Variants in SIDT2 observed in about 807,000 individuals in gnomAD.
SIDT2 encodes SID1 transmembrane family member 2, also known as SID1 transmembrane family, member 2.
A neutral mutation model predicts 114.4 loss-of-function variants in SIDT2; 68 were observed. That is an observed-to-expected ratio of 0.59 (90% CI 0.49 to 0.73). The LOEUF (loss-of-function observed/expected upper bound fraction) is 0.73, where lower values mean the gene tolerates loss of function less well. Among genes scored for constraint, SIDT2 ranks in the 30% least tolerant of loss-of-function variants. The pLI is 0.00. For synonymous variants in SIDT2, 470 were observed against 438.4 expected, an observed-to-expected ratio of 1.07 and a Z score of -0.90; for missense variants, 918 against 1,097.1, an observed-to-expected ratio of 0.84 and a Z score of 2.31.
In SIDT2 at chr11:117,181,456, A is replaced by C; in HGVS notation, c.224A>C (p.Gln75Pro). ...GTGTCTGTGAACGTCCTGAACAAGC[A>C]GAAGGGGGCGCCGTTGCTGTTTGTG... Reference protein sequence around the residue: ...VRVSVNVLNKQKGAPLLFVVR... With the variant: ...VRVSVNVLNKPKGAPLLFVVR... The change falls in exon 2 of 26, where the codon CAG becomes CCG. Residue 75 changes from glutamine (Q) to proline (P), a missense_variant. Physicochemically the swap from Gln to Pro is moderately conservative, Grantham distance 76 (BLOSUM62 -1). Transcript: ENST00000324225. 6.2e-7 allele frequency: 1 copy of C among 1,613,748 alleles called. No homozygotes were observed. Among genetic ancestry groups the C allele is most frequent in the Non-Finnish European group, 8.5e-7 (1 of 1,179,938 alleles).
intron 6 of SIDT2, among the ~76,000 whole-genome samples, chr11:117,183,570 G>A (rs1361432247): frequency 1.3e-5 from 2 of 150,130 alleles, no homozygotes; most frequent in African/African-American, 4.9e-5. Context: ...CCCGGGAGGC[G>A]GAGGTTGCAG....
intron 12 of SIDT2, 94 bp downstream of exon 12, chr11:117,187,793 T>C (rs1220490686): frequency 1.6e-6 from 2 of 1,230,356 alleles, no homozygotes; most frequent in African/African-American, 3.0e-5. Context: ...TGCCAGATGC[T>C]GGAACCTGGG....
At chr11:117,183,714 C>A in intron 6 of SIDT2, 65 bp from the exon 7 acceptor site, 1 of 1,134,418 alleles carries the variant, frequency 8.8e-7, no homozygotes, top group Non-Finnish European at 1.3e-6. Flanking sequence ...GGCCCCAGAA[C>A]AAGTATTTAG....
chr11:117,184,724 G>A (rs2030426999), intron 8 of SIDT2, among the ~76,000 whole-genome samples: 3 of 152,014 alleles, frequency 2.0e-5, no homozygotes, highest in South Asian at 4.1e-4. Context: ...GGGAAAGAAG[G>A]TGCCTCTCTT....
In SIDT2 at chr11:117,192,835, C is replaced by A. The variant is rs572716081; in HGVS notation, c.2074C>A (p.Leu692Met). The change falls in exon 22 of 26, where the codon CTG becomes ATG. Residue 692 changes from leucine (L) to methionine (M), a missense_variant. Around this residue, in one of 4 missense-constraint regions of SIDT2, gnomAD observed 275 missense variants for 397.6 expected, o/e 0.69. Coordinates refer to ENST00000324225, the MANE Select transcript of SIDT2 (RefSeq NM_001040455.2). The surrounding 1 kb of genome is among the most constrained non-coding windows in gnomAD (Gnocchi z 5.9). ...GPLYVDRMVL[L>M]VMGNVINWSL... ...TTCCCTCCAGGACCGCATGGTGCTG[C>A]TGGTCATGGGCAACGTCATCAACTG... 1.2e-6 allele frequency: 2 copies of A among 1,614,156 alleles called. No individual in the cohort carries two copies. Among genetic ancestry groups the A allele is most frequent in the African/African-American group, 2.7e-5 (2 of 75,040 alleles).
rs1037145847 is a variant in SIDT2, at chr11:117,178,853, T to A, written c.-411T>A. 1.5e-5 allele frequency: 3 copies of A among 196,994 alleles called. No individual in the cohort carries two copies. Among genetic ancestry groups the A allele is most frequent in the Non-Finnish European group, 3.2e-5 (3 of 95,056 alleles). The allele number at this position is 196,994 out of a possible 1,614,324, so 12.2% of individuals were successfully genotyped here. A position where few individuals can be genotyped will look rare whatever the true frequency, so the allele number is the denominator to read the frequency against. ...AGCTACCACCTATCACGCCCCTCAC[T>A]CTGCGACTCGCCTTCCTCCGCGGCC... On this transcript the variant is annotated 5_prime_UTR_variant, in exon 1 of 26. Coordinates refer to ENST00000324225, the MANE Select transcript of SIDT2 (RefSeq NM_001040455.2).
chr11:117,186,611 C>T lies in SIDT2; in HGVS notation c.990C>T (p.Ala330=), dbSNP rs569978978. 3.8e-6 allele frequency: 6 copies of T among 1,571,130 alleles called. No individual in the cohort carries two copies. Among genetic ancestry groups the T allele is most frequent in the Admixed American group, 1.9e-5 (1 of 51,840 alleles). Residue 330 remains alanine, a synonymous_variant, in exon 10 of 26, where the codon GCC becomes GCT. Coordinates refer to ENST00000324225, the MANE Select transcript of SIDT2 (RefSeq NM_001040455.2). ...WRQKKKTLLV[A]IDRACPESGH... ...AGAAGAAGAAGACCCTGCTGGTGGCCATTGACCGAGCCTGCCCAGAAAGCG... is the reference window on the plus strand; with the variant it reads ...AGAAGAAGAAGACCCTGCTGGTGGCTATTGACCGAGCCTGCCCAGAAAGCG...
rs1405105194 is a variant in SIDT2 at position 117,195,601 on chromosome 11, T to C, written c.2323-201T>C. Among the ~76,000 whole-genome samples the C allele has an allele frequency of 8.5e-5, 13 of 152,122 alleles. No individual in the cohort carries two copies. In the East Asian group the frequency reaches 2.5e-3, roughly 29 times the overall value. On this transcript the variant is annotated intron_variant, in intron 24 of 25. Coordinates refer to ENST00000324225, the MANE Select transcript of SIDT2 (RefSeq NM_001040455.2). ...TGAAAGAAAAGGGAAGAGAAGCCAG[T>C]GAACTCAGGGAGAAGTTTGTAACCA...
At chr11:117,182,481 C>T (rs2030327997) in intron 4 of SIDT2, 38 bp from the exon 5 acceptor site, 1 of 1,573,128 alleles carries the variant, frequency 6.4e-7, no homozygotes, top group South Asian at 1.1e-5. Context: ...AGAGCATCCT[C>T]ATGAGATGGG....
Position 117,183,294 on chromosome 11 carries a change from G to A in SIDT2, c.703-485G>A, listed in dbSNP as rs61905523. 3.2e-3 allele frequency among the ~76,000 whole-genome samples: 490 copies of A among 151,654 alleles called. 2 individuals carry two copies. The highest frequency in any genetic ancestry group is 7.4e-3 in the Admixed American group (113 of 15,226). The stretch of plus-strand genomic sequence containing the variant: ...TGGGAGACAGAGGTTGCAGTGAGCC[G>A]AGATCACACCACTGCACTCCAGCCT... On this transcript the variant is annotated intron_variant, in intron 6 of 25. Coordinates refer to ENST00000324225, the MANE Select transcript of SIDT2 (RefSeq NM_001040455.2).
intron 8 of SIDT2, 135 bp from the exon 9 acceptor site, chr11:117,185,995 A>T: frequency 1.5e-6 from 1 of 680,224 alleles, no homozygotes; most frequent in Non-Finnish European, 2.6e-6. Flanking sequence ...CATACTGGCT[A>T]GGCAGGGCCT....
chr11:117,182,649 C>T (rs767785140), intron 5 of SIDT2, 29 bp downstream of exon 5: 7 of 1,613,956 alleles, frequency 4.3e-6, no homozygotes, highest in South Asian at 1.1e-5. Flanking sequence ...TGCTCTTCCC[C>T]AGCAGGCAGC....
At position 117,195,930 on chromosome 11, in the gene SIDT2, C is replaced by T. The variant is rs754919334; in HGVS notation, c.2436+15C>T. Reference sequence around the variant, plus strand: ...GGTCCTTCCTGGTAAGCGGGCCTCCCGGCCGAGCCGGGTGGGTACGTGAAG... The same window carrying T: ...GGTCCTTCCTGGTAAGCGGGCCTCCTGGCCGAGCCGGGTGGGTACGTGAAG... On this transcript the variant is annotated intron_variant, in intron 25 of 25. Transcript: ENST00000324225. 5.0e-6 allele frequency: 8 copies of T among 1,614,062 alleles called. No individual in the cohort carries two copies. The highest frequency in any genetic ancestry group is 1.7e-5 in the Admixed American group (1 of 60,008).
Position 117,192,428 on chromosome 11 carries a change from G to T in SIDT2, c.1981+66G>T. 1 of 1,390,058 alleles carries T rather than the reference G, an allele frequency of 7.2e-7. No homozygotes were observed. Among genetic ancestry groups the T allele is most frequent in the South Asian group, 1.2e-5 (1 of 86,602 alleles). 86.1% of individuals were successfully genotyped at this position (1,390,058 alleles called of 1,614,324 possible). A position where few individuals can be genotyped will look rare whatever the true frequency, so the allele number is the denominator to read the frequency against. The stretch of plus-strand genomic sequence containing the variant: ...GGGGGCCTTGGGAACCCGGACGCAC[G>T]GGAGACGCTCAGGTTCTGTCTTGGG... On this transcript the variant is annotated intron_variant, in intron 20 of 25. Transcript: ENST00000324225. This position sits in a 1 kb window ranked among gnomAD's most constrained non-coding sequence, Gnocchi z 5.9.
At position 117,197,137 on chromosome 11, in the gene SIDT2, A is replaced by G. The variant is rs2030920215; in HGVS notation, c.*1071A>G. The G allele has an allele frequency of 6.6e-6, 1 of 152,316 alleles. No individual in the cohort carries two copies. Among genetic ancestry groups the G allele is most frequent in the Non-Finnish European group, 1.5e-5 (1 of 68,074 alleles). 9.4% of individuals were successfully genotyped at this position (152,316 alleles called of 1,614,324 possible). ...CAGGCAAGTTCTGTGTTAGTCATGC[A>G]CACACATACCTATGAAACCTTGGAG... On this transcript the variant is annotated 3_prime_UTR_variant, in exon 26 of 26. Transcript: ENST00000324225.
intron 15 of SIDT2, 57 bp from the exon 16 acceptor site, chr11:117,189,888 GGCGGGGC>G: frequency 6.5e-7 from 1 of 1,545,616 alleles, no homozygotes; most frequent in Non-Finnish European, 8.9e-7. Flanking sequence ...GGGCCCGGAT[GGCGGGGC>G]GTGGGCTGAG....
At position 117,187,438 on chromosome 11, in the gene SIDT2, A is replaced by G; in HGVS notation, c.1076A>G (p.Tyr359Cys). 6.2e-7 allele frequency: 1 copy of G among 1,614,048 alleles called. No homozygotes were observed. Among genetic ancestry groups the G allele is most frequent in the Non-Finnish European group, 8.5e-7 (1 of 1,179,990 alleles). Residue 359 changes from tyrosine to cysteine, a missense_variant, in exon 11 of 26, where the codon TAT becomes TGT. This residue lies in a region of SIDT2 where 553 missense variants were observed against 600.1 expected (regional missense o/e 0.92). Coordinates refer to ENST00000324225, the MANE Select transcript of SIDT2 (RefSeq NM_001040455.2). The stretch of plus-strand genomic sequence containing the variant: ...AGTTCCCCTTATGAGGGTTACAACT[A>G]TGGCTCCTTTGGTACGTGTCAAAGC... ...PGSSPYEGYNYGSFENVSGST... is the reference protein window; with the variant it reads ...PGSSPYEGYNCGSFENVSGST...
At chr11:117,186,780 A>G in intron 10 of SIDT2, 144 bp downstream of exon 10, 1 of 937,664 alleles carries the variant, frequency 1.1e-6, no homozygotes, top group Non-Finnish European at 1.6e-6. Flanking sequence ...ACAGATGGGA[A>G]TGAGGCTGGG....
intron 8 of SIDT2, among the ~76,000 whole-genome samples, chr11:117,184,981 C>A (rs2030436393): frequency 6.6e-6 from 1 of 152,018 alleles, no homozygotes; most frequent in Non-Finnish European, 1.5e-5. Context: ...CCCACCTTGG[C>A]CTCCCAGAGT....
Sources: gnomAD v4.1 joint callset for allele counts (sites outside exome capture counted in the v4.1 genomes callset) on GRCh38, gnomAD v4.1.1 for gene constraint, gnomAD v4.1.1 regional missense constraint, Gnocchi (gnomAD v3.1) non-coding constraint, MANE v1.5 for transcripts, NCBI Gene and HGNC (gene_info 2026-07-23, HGNC 2026-07-21) for gene names.